The following LIN9 variants were observed in gnomAD, a reference collection of about 807,000 sequenced individuals.
LIN9 encodes the protein lin-9 DREAM MuvB core complex component, also known as protein lin-9 homolog.
In LIN9, 18 loss-of-function variants were observed where a neutral mutation model predicts 78.0. That is an observed-to-expected ratio of 0.23 (90% CI 0.16 to 0.34). LIN9 has a LOEUF of 0.34. Among genes scored for constraint, LIN9 ranks in the 10% least tolerant of loss-of-function variants. The pLI is 1.00. For missense variants in LIN9, 451 were observed against 644.1 expected (o/e 0.70, Z 3.25); for synonymous variants, 192 against 215.2 (o/e 0.89, Z 0.94).
At chr1:226,277,640 G>T in intron 7 of LIN9, 135 bp downstream of exon 7, 3 of 766,602 alleles carry the variant, frequency 3.9e-6, no homozygotes, top group East Asian at 2.7e-5. Context: ...TAGGGATAGG[G>T]TGAGGGTTAA....
At chr1:226,275,641 C>T (rs745378192) in intron 7 of LIN9, among the ~76,000 whole-genome samples, 1 of 142,882 alleles carries the variant, frequency 7.0e-6, no homozygotes, top group Non-Finnish European at 1.5e-5. Context: ...TGCAGTGAGC[C>T]GAGACTGAGG....
In LIN9 at chr1:226,289,602, T is replaced by A. The variant is rs573090556; in HGVS notation, c.265-1805A>T. On this transcript the variant is annotated intron_variant, in intron 4 of 14. Transcript: ENST00000681046. ...GTCCCAAACTCCTGGGCTCAAGCGA[T>A]CTTCCTGCCTCAGCCTCCCAAAGAG... is the stretch of plus-strand genomic sequence containing the variant. 2.6e-5 allele frequency among the ~76,000 whole-genome samples: 4 copies of A among 152,088 alleles called. No homozygotes were observed. In the South Asian group the frequency reaches 8.3e-4, roughly 32 times the overall value.
intron 4 of LIN9, 115 bp downstream of exon 4, chr1:226,295,727 T>A (rs1662107387): frequency 3.3e-6 from 2 of 613,762 alleles, no homozygotes; most frequent in Middle Eastern, 2.6e-4. Flanking sequence ...AGAGCAGCCG[T>A]ACGAATTTAA....
intron 10 of LIN9, among the ~76,000 whole-genome samples, chr1:226,252,092 T>A (rs1658868027): frequency 6.6e-6 from 1 of 151,766 alleles, no homozygotes; most frequent in South Asian, 2.1e-4. Flanking sequence ...GGATCGTGAG[T>A]CTAGGAGTTT....
At chr1:226,266,933 C>G (rs1277284992) in intron 8 of LIN9, among the ~76,000 whole-genome samples, 3 of 151,806 alleles carry the variant, frequency 2.0e-5, no homozygotes, top group Non-Finnish European at 4.4e-5. Context: ...ACATGTGCTA[C>G]CCCACCCAGC....
intron 14 of LIN9, 41 bp from the exon 15 acceptor site, chr1:226,232,647 A>G: frequency 7.7e-7 from 1 of 1,299,814 alleles, no homozygotes; most frequent in Non-Finnish European, 1.1e-6. Flanking sequence ...TTATTTCAAA[A>G]AATTAAGAAA....
At chr1:226,232,901 G>C in intron 14 of LIN9, 195 bp downstream of exon 14, 1 of 500,484 alleles carries the variant, frequency 2.0e-6, no homozygotes, top group Non-Finnish European at 3.5e-6. Context: ...TATATGTCCT[G>C]ATTTCTTTAT....
intron 6 of LIN9, among the ~76,000 whole-genome samples, chr1:226,280,996 G>GCCAA (rs1343216307): frequency 1.3e-5 from 2 of 152,164 alleles, no homozygotes; most frequent in African/African-American, 4.8e-5. Context: ...ATTTACAATA[G>GCCAA]CCAAGATATG....
chr1:226,284,552 T>C (rs1344204243), intron 6 of LIN9, among the ~76,000 whole-genome samples: 1 of 152,048 alleles, frequency 6.6e-6, no homozygotes, highest in South Asian at 2.1e-4. Flanking sequence ...GGCAAAACCT[T>C]GTCTCTACTA....
intron 7 of LIN9, among the ~76,000 whole-genome samples, chr1:226,270,460 C>T (rs943311488): frequency 6.6e-6 from 1 of 152,066 alleles, no homozygotes; most frequent in Non-Finnish European, 1.5e-5. Flanking sequence ...AGTAGGAAAG[C>T]ATGGCTCTTA....
Position 226,259,533 on chromosome 1 carries a change from G to A in LIN9, c.1038+6000C>T, listed in dbSNP as rs533082113. ...AGGTCGTGCGGAAAATTCATGAAGA[G>A]CTCATTCTGGGCCACAAAACATACC... On this transcript the variant is annotated intron_variant, in intron 10 of 14. Coordinates refer to ENST00000681046, the MANE Select transcript of LIN9 (RefSeq NM_001366245.2). Among the ~76,000 whole-genome samples, 49 of 152,174 alleles carry A rather than the reference G, an allele frequency of 3.2e-4. No individual in the cohort carries two copies. In the South Asian group the frequency reaches 9.9e-3, roughly 31 times the overall value.
At chr1:226,256,273 G>A (rs1306321034) in intron 10 of LIN9, among the ~76,000 whole-genome samples, 1 of 151,976 alleles carries the variant, frequency 6.6e-6, no homozygotes, top group African/African-American at 2.4e-5. Flanking sequence ...ACCGATAGAG[G>A]AGCAAAGATA....
rs1657308514 is a variant in LIN9 at position 226,231,195 on chromosome 1, T to C, written c.*1306A>G. 1 of 152,608 alleles carries C rather than the reference T, an allele frequency of 6.6e-6. No individual in the cohort carries two copies. 9.5% of individuals were successfully genotyped at this position (152,608 alleles called of 1,614,324 possible). ...TCAATTTATTTAGAATTACAAATAT[T>C]AAGAATAGAAGATTTATGCATTTCT... is the stretch of plus-strand genomic sequence containing the variant. On this transcript the variant is annotated 3_prime_UTR_variant, in exon 15 of 15. Transcript: ENST00000681046.
chr1:226,275,855 T>C (rs1422924880), intron 7 of LIN9, among the ~76,000 whole-genome samples: 1 of 151,946 alleles, frequency 6.6e-6, no homozygotes, highest in East Asian at 1.9e-4. Flanking sequence ...TGGAATCTCA[T>C]CTCTACTAAA....
intron 12 of LIN9, among the ~76,000 whole-genome samples, chr1:226,237,011 G>T (rs1487658855): frequency 6.6e-6 from 1 of 152,172 alleles, no homozygotes; most frequent in Admixed American, 6.5e-5. Context: ...TATATATTGA[G>T]AAGTAGAATT....
At chr1:226,278,050 T>C in intron 6 of LIN9, 118 bp from the exon 7 acceptor site, 1 of 767,028 alleles carries the variant, frequency 1.3e-6, no homozygotes, top group Non-Finnish European at 2.0e-6. Flanking sequence ...TGGAGTGCAG[T>C]GGCACAATCT....
chr1:226,293,536 G>A (rs1661924940), intron 4 of LIN9, among the ~76,000 whole-genome samples: 1 of 152,154 alleles, frequency 6.6e-6, no homozygotes, highest in Admixed American at 6.5e-5. Context: ...AATGCACACT[G>A]CATTTTAGTT....
intron 11 of LIN9, among the ~76,000 whole-genome samples, chr1:226,245,047 G>C (rs950130593): frequency 6.6e-6 from 1 of 152,124 alleles, no homozygotes; most frequent in African/African-American, 2.4e-5. Context: ...TTTAAATCTT[G>C]ATAGATATTG....
rs751891274 is a variant in LIN9 at position 226,297,824 on chromosome 1, T to C, written c.65-11A>G. 6 of 1,477,600 alleles carry C rather than the reference T, an allele frequency of 4.1e-6. No individual in the cohort carries two copies. The highest frequency in any genetic ancestry group is 2.8e-5 in the South Asian group (2 of 72,494). 91.5% of individuals were successfully genotyped at this position (1,477,600 alleles called of 1,614,324 possible). ...TAGATAAGCTTCCTTCTGTAATAAA[T>C]AGTTAATACTAATGGAATTTTGGCT... On this transcript the variant is annotated splice_polypyrimidine_tract_variant and intron_variant, in intron 2 of 14. Transcript: ENST00000681046.
Sources: gnomAD v4.1 joint callset for allele counts (sites outside exome capture counted in the v4.1 genomes callset) on GRCh38, gnomAD v4.1.1 for gene constraint, MANE v1.5 for transcripts, NCBI Gene and HGNC (gene_info 2026-07-23, HGNC 2026-07-21) for gene names.